GLIS3: variants seen among roughly 807,000 people sequenced by gnomAD.
The protein encoded by GLIS3 is zinc finger protein GLIS3.
Under a neutral mutation model 78.6 loss-of-function variants are expected in GLIS3, and 53 were observed. The observed-to-expected ratio is 0.67, with a 90% CI of 0.54 to 0.85. GLIS3 has a LOEUF of 0.85. GLIS3 is among the 40% of genes least tolerant of loss of function. The pLI is 0.00. For synonymous variants in GLIS3, 684 were observed against 509.9 expected (o/e 1.34, Z -4.60); for missense variants, 1,703 against 1,231.1 (o/e 1.38, Z -5.74).
At chr9:4,265,167 G>A (rs1412969684) in intron 2 of GLIS3, among the ~76,000 whole-genome samples, 12 of 113,906 alleles carry the variant, frequency 1.1e-4, no homozygotes, top group African/African-American at 2.3e-4. Context: ...GTGAGACGCC[G>A]TCTCAAAAAA....
chr9:3,889,568 A>G (rs1563816203), intron 7 of GLIS3, among the ~76,000 whole-genome samples: 1 of 152,226 alleles, frequency 6.6e-6, no homozygotes, highest in African/African-American at 2.4e-5. Flanking sequence ...CTTATAATAC[A>G]TTCTCCTCTT....
intron 4 of GLIS3, among the ~76,000 whole-genome samples, chr9:4,051,591 A>T (rs1053942147): frequency 3.9e-5 from 6 of 152,216 alleles, no homozygotes; most frequent in Non-Finnish European, 1.5e-5. Flanking sequence ...TCAAAGAAAG[A>T]ACATGGTCAT....
chr9:4,317,151 T>G (rs549901647), intron 2 of GLIS3, among the ~76,000 whole-genome samples: 57 of 152,370 alleles, frequency 3.7e-4, no homozygotes, highest in African/African-American at 1.3e-3. Context: ...GCCTTTCGAC[T>G]GCAAGGTTAA....
At chr9:4,176,800 T>A (rs1816849569) in intron 2 of GLIS3, among the ~76,000 whole-genome samples, 1 of 152,198 alleles carries the variant, frequency 6.6e-6, no homozygotes, top group Non-Finnish European at 1.5e-5. Context: ...ATTTTTGTAT[T>A]TTTAGTAGAC....
At chr9:4,104,043 G>A (rs1830573529) in intron 4 of GLIS3, among the ~76,000 whole-genome samples, 1 of 152,212 alleles carries the variant, frequency 6.6e-6, no homozygotes, top group Non-Finnish European at 1.5e-5. Flanking sequence ...ATACAGGGTA[G>A]GCACCAATGT....
intron 2 of GLIS3, among the ~76,000 whole-genome samples, chr9:4,321,386 C>T (rs1285623891): frequency 1.8e-5 from 2 of 110,756 alleles, no homozygotes; most frequent in Non-Finnish European, 3.2e-5. Context: ...GGCGCCACTG[C>T]ACTCCAGCCT....
At chr9:3,856,811 T>C (rs1324237558) in intron 8 of GLIS3, among the ~76,000 whole-genome samples, 2 of 152,092 alleles carry the variant, frequency 1.3e-5, no homozygotes, top group African/African-American at 4.8e-5. Flanking sequence ...TTCCTGAGGG[T>C]ATGATAGGAA....
intron 6 of GLIS3, among the ~76,000 whole-genome samples, chr9:3,907,648 ACACACACT>A (rs1563837069): frequency 6.6e-6 from 1 of 150,694 alleles, no homozygotes; most frequent in East Asian, 1.9e-4. Flanking sequence ...ACACACACAC[ACACACACT>A]ACTAAACAGT....
intron 8 of GLIS3, among the ~76,000 whole-genome samples, chr9:3,867,851 C>A (rs181617409): frequency 2.4e-4 from 36 of 152,016 alleles, no homozygotes; most frequent in African/African-American, 8.2e-4. Flanking sequence ...TGGAAGTTAA[C>A]CTTTCTAGAG....
chr9:4,297,928 G>A (rs1167142012), intron 1 of GLIS3, among the ~76,000 whole-genome samples: 1 of 149,776 alleles, frequency 6.7e-6, no homozygotes, highest in Admixed American at 6.8e-5. Context: ...GAGATTCCTC[G>A]GCGCGGAGCT....
At chr9:4,421,485 G>T in the GLIS3 span, among the ~76,000 whole-genome samples, 1 of 152,228 alleles carries the variant, frequency 6.6e-6, no homozygotes, top group South Asian at 2.1e-4. Context: ...ATTACAGGTG[G>T]TGTTTGTCTC....
chr9:4,459,225 G>T, the GLIS3 span, among the ~76,000 whole-genome samples: 1 of 152,184 alleles, frequency 6.6e-6, no homozygotes, highest in Non-Finnish European at 1.5e-5. Context: ...GCCATATACT[G>T]AATATATGTG....
intron 4 of GLIS3, among the ~76,000 whole-genome samples, chr9:3,993,952 T>C (rs1046427829): frequency 6.6e-6 from 1 of 152,190 alleles, no homozygotes. Flanking sequence ...AACCCAGGCT[T>C]CCCAGGAGCA....
At chr9:4,199,646 A>G (rs1289900917) in intron 2 of GLIS3, among the ~76,000 whole-genome samples, 1 of 152,104 alleles carries the variant, frequency 6.6e-6, no homozygotes, top group Non-Finnish European at 1.5e-5. Flanking sequence ...TGGAGCACTC[A>G]TACTCATAAA....
chr9:4,140,815 T>TTTGAGACG (rs1833755572), intron 2 of GLIS3, among the ~76,000 whole-genome samples: 1 of 152,032 alleles, frequency 6.6e-6, no homozygotes, highest in Non-Finnish European at 1.5e-5. Flanking sequence ...TTTTTTTTTT[T>TTTGAGACG]GAGACGGAGT....
Position 3,937,040 on chromosome 9 carries a change from C to G in GLIS3, c.1860G>C (p.Thr620=), listed in dbSNP as rs369977938. The G allele has an allele frequency of 1.9e-6, 3 of 1,612,716 alleles. No individual in the cohort carries two copies. The highest frequency in any genetic ancestry group is 2.5e-6 in the Non-Finnish European group (3 of 1,179,968). Residue 620 remains threonine, a synonymous_variant, in exon 5 of 11, where the codon ACG becomes ACC. Transcript: ENST00000381971. Reference sequence around the variant, plus strand: ...CTGCCATTCTTACGGTGTCCAGATGCGTCCGCTGGTGTTTGGCGCGGTCAC... The same window carrying G: ...CTGCCATTCTTACGGTGTCCAGATGGGTCCGCTGGTGTTTGGCGCGGTCAC... ...NSSDRAKHQR[T]HLDTKPYACQ...
At chr9:4,306,174 G>T (rs1033717111) in intron 4 of GLIS3, 1 of 152,072 alleles carries the variant, frequency 6.6e-6, no homozygotes, top group African/African-American at 2.4e-5. Context: ...CGACCTCCTG[G>T]GCTCAAGTGA....
rs181804975 is a variant in GLIS3 at position 3,923,830 on chromosome 9, G to C, written c.1983+8530C>G. On this transcript the variant is annotated intron_variant, in intron 6 of 10. Coordinates refer to ENST00000381971, the MANE Select transcript of GLIS3 (RefSeq NM_001042413.2). Reference sequence around the variant, plus strand: ...ACCTCATGTAGTGGCAGTGTGACAAGCAACCATCCTAAAAGCCATGCTTTT... The same window carrying C: ...ACCTCATGTAGTGGCAGTGTGACAACCAACCATCCTAAAAGCCATGCTTTT... Among the ~76,000 whole-genome samples, 149 of 152,312 alleles carry C rather than the reference G, an allele frequency of 9.8e-4. 1 individual carries two copies. The highest frequency in any genetic ancestry group is 3.5e-3 in the African/African-American group (147 of 41,568).
In GLIS3 at chr9:4,182,851, T is replaced by G. The variant is rs374757812; in HGVS notation, c.389-56910A>C. ...CCTACCATGAGTAAAAGCATCTGAG[T>G]GCTCTCTATGTATCACCCTGTCTGA... is the stretch of plus-strand genomic sequence containing the variant. On this transcript the variant is annotated intron_variant, in intron 2 of 10. Coordinates refer to ENST00000381971, the MANE Select transcript of GLIS3 (RefSeq NM_001042413.2). Among the ~76,000 whole-genome samples, 5 of 152,196 alleles carry G rather than the reference T, an allele frequency of 3.3e-5. No individual in the cohort carries two copies. In the East Asian group the frequency reaches 5.8e-4, roughly 18 times the overall value.
Sources: allele counts gnomAD v4.1 joint callset (sites outside exome capture counted in the v4.1 genomes callset), GRCh38; gene constraint gnomAD v4.1.1; transcripts MANE v1.5; gene names NCBI Gene and HGNC (gene_info 2026-07-23, HGNC 2026-07-21).